NRXN1: variants seen among roughly 807,000 people sequenced by gnomAD.
NRXN1 encodes neurexin-1.
Under a neutral mutation model 150.9 loss-of-function variants are expected in NRXN1, and 39 were observed. The observed-to-expected ratio is 0.26, with a 90% CI of 0.20 to 0.34. The LOEUF is 0.34. Among genes scored for constraint, NRXN1 ranks in the 10% least tolerant of loss-of-function variants. NRXN1 has a pLI of 1.00. For synonymous variants in NRXN1, 924 were observed against 757.0 expected, an observed-to-expected ratio of 1.22 and a Z score of -3.62; for missense variants, 1,815 against 1,949.9, an observed-to-expected ratio of 0.93 and a Z score of 1.30.
chr2:50,465,630 A>T, intron 16 of NRXN1, 69 bp from the exon 17 acceptor site: 1 of 1,498,224 alleles, frequency 6.7e-7, no homozygotes, highest in Non-Finnish European at 9.0e-7. Context: ...CATGAGCTAG[A>T]TCACATGTAG....
chr2:50,562,344 T>G (rs1414117516), intron 8 of NRXN1, among the ~76,000 whole-genome samples: 2 of 151,924 alleles, frequency 1.3e-5, no homozygotes, highest in African/African-American at 4.8e-5. Context: ...GATAGATAGA[T>G]AGATAGATAG....
chr2:50,358,012 T>A (rs894424905), intron 17 of NRXN1, among the ~76,000 whole-genome samples: 9 of 152,006 alleles, frequency 5.9e-5, no homozygotes, highest in African/African-American at 2.2e-4. Flanking sequence ...GGGAAGCCGG[T>A]GAGGGACTGT....
At chr2:49,993,715 G>A (rs940204150) in intron 21 of NRXN1, among the ~76,000 whole-genome samples, 1 of 152,068 alleles carries the variant, frequency 6.6e-6, no homozygotes, top group African/African-American at 2.4e-5. Context: ...CCTAAAAATT[G>A]TCTTTTGAGA....
intron 18 of NRXN1, among the ~76,000 whole-genome samples, chr2:50,111,383 C>T (rs901484792): frequency 6.6e-5 from 10 of 152,032 alleles, no homozygotes; most frequent in African/African-American, 2.4e-4. Context: ...TGGTCACTCC[C>T]GTAATCCCAG....
chr2:50,513,050 G>C (rs2092511319), intron 12 of NRXN1, among the ~76,000 whole-genome samples: 2 of 152,022 alleles, frequency 1.3e-5, no homozygotes, highest in South Asian at 2.1e-4. Context: ...CTTAGGCTTG[G>C]GTATGTTAGC....
intron 21 of NRXN1, among the ~76,000 whole-genome samples, chr2:50,043,281 T>C (rs547707559): frequency 2.0e-5 from 3 of 152,284 alleles, no homozygotes; most frequent in East Asian, 3.9e-4. Flanking sequence ...AATTCTCTCT[T>C]TGGACAGTGG....
At chr2:49,929,788 C>G (rs1312220281) in intron 22 of NRXN1, among the ~76,000 whole-genome samples, 5 of 152,026 alleles carry the variant, frequency 3.3e-5, no homozygotes, top group Non-Finnish European at 7.4e-5. Context: ...AGTTAACATT[C>G]CAGGGACTAT....
At chr2:50,287,824 T>A (rs1307557985) in intron 17 of NRXN1, among the ~76,000 whole-genome samples, 1 of 152,202 alleles carries the variant, frequency 6.6e-6, no homozygotes, top group Non-Finnish European at 1.5e-5. Context: ...AGAGGTGATA[T>A]TCAAAAATAT....
At chr2:50,898,748 C>A in intron 5 of NRXN1, 1 of 299,076 alleles carries the variant, frequency 3.3e-6, no homozygotes. Flanking sequence ...TTTGAAAATA[C>A]ATTTAAATAA....
chr2:50,699,606 A>G (rs998100978), intron 5 of NRXN1, among the ~76,000 whole-genome samples: 1 of 152,060 alleles, frequency 6.6e-6, no homozygotes, highest in African/African-American at 2.4e-5. Context: ...CCCCCTGCTG[A>G]CAGCCAACAA....
chr2:50,813,518 C>T (rs1320892287), intron 5 of NRXN1, among the ~76,000 whole-genome samples: 1 of 152,072 alleles, frequency 6.6e-6, no homozygotes, highest in Non-Finnish European at 1.5e-5. Context: ...TTAGCAATTT[C>T]ATATGGCTTA....
At chr2:50,738,339 G>C (rs1699020251) in intron 5 of NRXN1, among the ~76,000 whole-genome samples, 1 of 152,178 alleles carries the variant, frequency 6.6e-6, no homozygotes, top group Non-Finnish European at 1.5e-5. Flanking sequence ...GGAAGTAGCA[G>C]TTGTGTATGT....
chr2:50,049,547 T>C (rs1005210989), intron 21 of NRXN1, among the ~76,000 whole-genome samples: 1 of 152,176 alleles, frequency 6.6e-6, no homozygotes, highest in African/African-American at 2.4e-5. Flanking sequence ...GTATGTATTC[T>C]CTATAGTATG....
intron 5 of NRXN1, among the ~76,000 whole-genome samples, chr2:50,646,157 A>G (rs568727712): frequency 7.8e-4 from 118 of 152,012 alleles, no homozygotes; most frequent in African/African-American, 2.8e-3. Context: ...CTGGTAATAT[A>G]CTATTAGGTT....
intron 5 of NRXN1, among the ~76,000 whole-genome samples, chr2:50,757,024 T>C (rs1701225300): frequency 6.6e-6 from 1 of 151,838 alleles, no homozygotes; most frequent in Non-Finnish European, 1.5e-5. Context: ...TGAGAAAACG[T>C]GCTTTGTTTT....
chr2:50,098,054 C>T (rs1700475096), intron 18 of NRXN1, among the ~76,000 whole-genome samples: 1 of 152,080 alleles, frequency 6.6e-6, no homozygotes, highest in Non-Finnish European at 1.5e-5. Context: ...GTTGTTTTAA[C>T]CTGGCACTGA....
intron 21 of NRXN1, among the ~76,000 whole-genome samples, chr2:50,034,026 G>T (rs1485750204): frequency 6.6e-6 from 1 of 150,400 alleles, no homozygotes; most frequent in Non-Finnish European, 1.5e-5. Context: ...AGAAGAGAAT[G>T]CTTATACACT....
At chr2:50,515,600 GGTGTGTGTGTGTGT>G (rs60612860) in intron 12 of NRXN1, among the ~76,000 whole-genome samples, 34 of 143,426 alleles carry the variant, frequency 2.4e-4, no homozygotes, top group Admixed American at 3.5e-4. Context: ...AAATGCTTGG[GGTGTGTGTGTGTGT>G]GTGTGTGTGT....
At chr2:50,151,501 A>T (rs945555955) in intron 18 of NRXN1, among the ~76,000 whole-genome samples, 55 of 151,860 alleles carry the variant, frequency 3.6e-4, no homozygotes, top group African/African-American at 1.3e-3. Context: ...AATATGAGGG[A>T]AACAGGGGAG....
Sources: gnomAD v4.1 joint callset for allele counts (sites outside exome capture counted in the v4.1 genomes callset) on GRCh38, gnomAD v4.1.1 for gene constraint, MANE v1.5 for transcripts, NCBI Gene and HGNC (gene_info 2026-07-23, HGNC 2026-07-21) for gene names.